TBC1D1: variants seen among roughly 807,000 people sequenced by gnomAD.
TBC1D1 encodes TBC1 domain family member 1.
Under a neutral mutation model 125.6 loss-of-function variants are expected in TBC1D1, and 89 were observed. The observed-to-expected ratio is 0.71, with a 90% CI of 0.60 to 0.85. The LOEUF (loss-of-function observed/expected upper bound fraction) is 0.85. Ranked by LOEUF, TBC1D1 falls within the 40% of genes least tolerant of loss-of-function variation. The pLI, the probability that TBC1D1 is intolerant of heterozygous loss-of-function variation, is 0.00. For synonymous variants in TBC1D1, 565 were observed against 564.1 expected (o/e 1.00, Z -0.02); for missense variants, 1,377 against 1,469.2 (o/e 0.94, Z 1.03).
chr4:37,995,096 A>C lies in TBC1D1; in HGVS notation c.418-19413A>C, dbSNP rs1475365251. ...TTGTAGAATAGTAGAATTTGGAACT[A>C]GAAGTGATTTTAAGAGTACTGCAGT... On this transcript the variant is annotated intron_variant, in intron 2 of 19. Transcript: ENST00000261439. This position sits in a 1 kb window ranked among gnomAD's most constrained non-coding sequence, Gnocchi z 4.3. 6.6e-6 allele frequency among the ~76,000 whole-genome samples: 1 copy of C among 152,150 alleles called. No individual in the cohort carries two copies. Among genetic ancestry groups the C allele is most frequent in the Admixed American group, 6.5e-5 (1 of 15,276 alleles).
In TBC1D1 at chr4:38,118,079, A is replaced by G; in HGVS notation, c.2849A>G (p.Asp950Gly). The change falls in exon 17 of 20, where the codon GAC becomes GGC. Residue 950 changes from aspartate to glycine, a missense_variant. Asp to Gly is a moderately conservative substitution (Grantham distance 94). Coordinates refer to ENST00000261439, the MANE Select transcript of TBC1D1 (RefSeq NM_015173.4). ...AGGTTGCTTCATGATTACCACAGAG[A>G]CCTCTACAATCACCTGGAGGAGCAC... is the stretch of plus-strand genomic sequence containing the variant. 6.2e-7 allele frequency: 1 copy of G among 1,613,856 alleles called. No individual in the cohort carries two copies. The highest frequency in any genetic ancestry group is 8.5e-7 in the Non-Finnish European group (1 of 1,179,944).
At position 38,001,641 on chromosome 4, in the gene TBC1D1, G is replaced by T. The variant is rs1739112071; in HGVS notation, c.418-12868G>T. Among the ~76,000 whole-genome samples the T allele has an allele frequency of 2.0e-5, 3 of 152,148 alleles. No homozygotes were observed. The South Asian group carries it at 6.2e-4, about 32-fold the overall frequency. ...TACAGTTGATAGGGGCTTATTATGAGGCATTCCTAATTCCTTATTATAAGG... is the reference window on the plus strand; with the variant it reads ...TACAGTTGATAGGGGCTTATTATGATGCATTCCTAATTCCTTATTATAAGG... On this transcript the variant is annotated intron_variant, in intron 2 of 19. Transcript: ENST00000261439.
chr4:37,916,103 G>A (rs1055833541), intron 2 of TBC1D1, among the ~76,000 whole-genome samples: 14 of 152,206 alleles, frequency 9.2e-5, no homozygotes, highest in African/African-American at 3.1e-4. Context: ...TTATACAAGA[G>A]TTGATGCTAA....
chr4:37,915,015 C>T (rs753195216), intron 2 of TBC1D1, among the ~76,000 whole-genome samples: 1 of 152,200 alleles, frequency 6.6e-6, no homozygotes. Context: ...TTATCTCGTT[C>T]GGAATCATAT....
Position 38,020,727 on chromosome 4 carries a change from A to G in TBC1D1, c.1077+32A>G, listed in dbSNP as rs760116269. ...GAGGACAAGCAATTCTTACCTTGGA[A>G]CCTTCTTTACAAGGAATTTTAGCTC... On this transcript the variant is annotated intron_variant, in intron 5 of 19. Coordinates refer to ENST00000261439, the MANE Select transcript of TBC1D1 (RefSeq NM_015173.4). The G allele has an allele frequency of 3.1e-6, 5 of 1,587,526 alleles. No homozygotes were observed. In the East Asian group the frequency reaches 1.1e-4, roughly 36 times the overall value.
At chr4:38,027,368 A>G (rs1745267941) in intron 6 of TBC1D1, among the ~76,000 whole-genome samples, 1 of 152,248 alleles carries the variant, frequency 6.6e-6, no homozygotes, top group African/African-American at 2.4e-5. Context: ...CACGCCTGTA[A>G]TCCCAGCACT....
intron 12 of TBC1D1, among the ~76,000 whole-genome samples, chr4:38,065,755 C>G (rs1387108368): frequency 6.6e-6 from 1 of 150,454 alleles, no homozygotes; most frequent in African/African-American, 2.5e-5. Flanking sequence ...AAGCTATTCT[C>G]ATGCTTCACC....
intron 15 of TBC1D1, among the ~76,000 whole-genome samples, chr4:38,104,119 C>T (rs1011719225): frequency 8.2e-5 from 11 of 134,884 alleles, no homozygotes; most frequent in African/African-American, 2.8e-4. Context: ...AAGATCATGC[C>T]ACTACGCTCC....
chr4:38,054,300 C>T lies in TBC1D1; in HGVS notation c.2012C>T (p.Thr671Ile), dbSNP rs201600071. Residue 671 changes from threonine (T) to isoleucine (I), a missense_variant, in exon 12 of 20, where the codon ACC becomes ATC. Thr to Ile is a moderately conservative substitution (Grantham distance 89). Transcript: ENST00000261439. ...CAGCAGATATTCCTCCGAGTAGCCA[C>T]CCCGCAGAAGGCGTGCGATTCTTCC... 6.2e-7 allele frequency: 1 copy of T among 1,614,190 alleles called. No homozygotes were observed.
chr4:37,913,401 C>A (rs1352245545), intron 2 of TBC1D1, among the ~76,000 whole-genome samples: 1 of 152,038 alleles, frequency 6.6e-6, no homozygotes, highest in African/African-American at 2.4e-5. Context: ...GAGTTCAAGA[C>A]AAGTCTGACC....
intron 2 of TBC1D1, among the ~76,000 whole-genome samples, chr4:37,967,643 T>C (rs1731312825): frequency 6.6e-6 from 1 of 152,178 alleles, no homozygotes; most frequent in Non-Finnish European, 1.5e-5. Flanking sequence ...AGATTTTTAT[T>C]CACTAATAGA....
At chr4:37,994,966 C>T (rs1045513107) in intron 2 of TBC1D1, among the ~76,000 whole-genome samples, 3 of 152,056 alleles carry the variant, frequency 2.0e-5, no homozygotes, top group East Asian at 1.9e-4. Flanking sequence ...TTGCAACTTA[C>T]GTACTTAACC....
At chr4:38,056,813 GT>G (rs200676350) in intron 12 of TBC1D1, among the ~76,000 whole-genome samples, 1,923 of 152,182 alleles carry the variant, frequency 0.013, 37 homozygotes, top group African/African-American at 0.044. Context: ...GTCTCGCGGG[GT>G]GGGGGAGTCA....
chr4:38,019,771 A>T (rs1437852019), intron 4 of TBC1D1, among the ~76,000 whole-genome samples: 1 of 152,178 alleles, frequency 6.6e-6, no homozygotes, highest in African/African-American at 2.4e-5. Context: ...TTATGATACC[A>T]TGGTAGAGCC....
At chr4:37,930,323 A>G (rs1344603580) in intron 2 of TBC1D1, among the ~76,000 whole-genome samples, 3 of 152,088 alleles carry the variant, frequency 2.0e-5, no homozygotes, top group Non-Finnish European at 4.4e-5. Context: ...TTAGGATTGC[A>G]TGCTTTTTAA....
At chr4:37,962,447 T>C (rs1730238426) in intron 2 of TBC1D1, among the ~76,000 whole-genome samples, 1 of 152,238 alleles carries the variant, frequency 6.6e-6, no homozygotes, top group African/African-American at 2.4e-5. Flanking sequence ...GTTTAATGGA[T>C]ATGCAACCTT....
At chr4:38,010,162 G>A (rs1402886948) in intron 2 of TBC1D1, among the ~76,000 whole-genome samples, 2 of 152,140 alleles carry the variant, frequency 1.3e-5, no homozygotes, top group African/African-American at 4.8e-5. Context: ...AGTTAGGCAT[G>A]TTTATTTTGG....
intron 11 of TBC1D1, 52 bp downstream of exon 12, chr4:38,052,112 C>T: frequency 6.5e-7 from 1 of 1,533,356 alleles, no homozygotes; most frequent in Admixed American, 2.0e-5. Context: ...CTGGGGAGTT[C>T]ACACTGATGA....
intron 2 of TBC1D1, among the ~76,000 whole-genome samples, chr4:38,011,366 A>G (rs887615504): frequency 6.6e-6 from 1 of 151,858 alleles, no homozygotes; most frequent in Non-Finnish European, 1.5e-5. Context: ...AAAAAAAAAA[A>G]AAGAAAAAGA....
Sources: allele counts gnomAD v4.1 joint callset (sites outside exome capture counted in the v4.1 genomes callset), GRCh38; gene constraint gnomAD v4.1.1; non-coding constraint Gnocchi (gnomAD v3.1); transcripts MANE v1.5; gene names NCBI Gene and HGNC (gene_info 2026-07-23, HGNC 2026-07-21).